PCDH15: variants seen among roughly 807,000 people sequenced by gnomAD.
PCDH15 encodes the protein protocadherin related 15, also known as protocadherin-15.
In PCDH15, 129 loss-of-function variants were observed where a neutral mutation model predicts 178.5. That is an observed-to-expected ratio of 0.72 (90% CI 0.63 to 0.84). PCDH15 has a LOEUF of 0.84. PCDH15 is among the 40% of genes least tolerant of loss of function. The probability of loss-of-function intolerance (pLI) is 0.00; values close to 1 mark genes in which losing one functional copy is unlikely to be tolerated. For synonymous variants in PCDH15, 800 were observed against 732.0 expected, an observed-to-expected ratio of 1.09 and a Z score of -1.50; for missense variants, 2,230 against 2,099.9, an observed-to-expected ratio of 1.06 and a Z score of -1.21.
chr10:54,266,244 A>C (rs1471640981), intron 8 of PCDH15, among the ~76,000 whole-genome samples: 3 of 151,862 alleles, frequency 2.0e-5, no homozygotes, highest in Non-Finnish European at 4.4e-5. Context: ...GCAGAAATCA[A>C]AGAACTTTTT....
chr10:55,520,564 C>A, intron 2 of PCDH15, among the ~76,000 whole-genome samples: 1 of 147,926 alleles, frequency 6.8e-6, no homozygotes, highest in East Asian at 2.0e-4. Flanking sequence ...TGTTTTTATT[C>A]TAGGAAGAAC....
chr10:55,078,445 T>C (rs1228505758), intron 2 of PCDH15, among the ~76,000 whole-genome samples: 1 of 152,144 alleles, frequency 6.6e-6, no homozygotes, highest in Non-Finnish European at 1.5e-5. Flanking sequence ...GAAATACTGA[T>C]AATTTGTATA....
At chr10:54,250,836 ATCTC>A (rs1289435017) in intron 8 of PCDH15, among the ~76,000 whole-genome samples, 4 of 152,040 alleles carry the variant, frequency 2.6e-5, no homozygotes, top group Admixed American at 2.0e-4. Context: ...CCACTTCCCA[ATCTC>A]TCTCTCACAC....
At chr10:54,266,127 ACTC>A (rs1319867426) in intron 8 of PCDH15, among the ~76,000 whole-genome samples, 1 of 142,726 alleles carries the variant, frequency 7.0e-6, no homozygotes, top group African/African-American at 2.7e-5. Context: ...AGCAAGAGGA[ACTC>A]TAAAACGCAG....
chr10:54,876,243 GA>G (rs1217873823), intron 3 of PCDH15, among the ~76,000 whole-genome samples: 2 of 152,158 alleles, frequency 1.3e-5, no homozygotes, highest in African/African-American at 2.4e-5. Flanking sequence ...CTACTTCACA[GA>G]AAAAAAAATT....
chr10:54,139,112 G>A (rs1479469284), intron 14 of PCDH15, among the ~76,000 whole-genome samples: 1 of 152,042 alleles, frequency 6.6e-6, no homozygotes, highest in Non-Finnish European at 1.5e-5. Context: ...TATGATTGAG[G>A]TGTCATGGTT....
At chr10:54,508,048 G>A (rs570744679) in intron 3 of PCDH15, among the ~76,000 whole-genome samples, 6 of 151,874 alleles carry the variant, frequency 4.0e-5, no homozygotes, top group Admixed American at 1.3e-4. Flanking sequence ...TCCCCAAGAC[G>A]AACATTTCAC....
chr10:55,435,674 A>T (rs1210112282), intron 2 of PCDH15, among the ~76,000 whole-genome samples: 4 of 152,128 alleles, frequency 2.6e-5, no homozygotes, highest in Non-Finnish European at 4.4e-5. Flanking sequence ...GTGGAAAACC[A>T]GGGTAACTTA....
At chr10:54,449,873 A>C (rs922923317) in intron 3 of PCDH15, among the ~76,000 whole-genome samples, 1 of 151,664 alleles carries the variant, frequency 6.6e-6, no homozygotes, top group Non-Finnish European at 1.5e-5. Flanking sequence ...TCCATCCCCC[A>C]TGGATACTGA....
chr10:55,067,911 G>T (rs1258839449), intron 2 of PCDH15, among the ~76,000 whole-genome samples: 1 of 151,780 alleles, frequency 6.6e-6, no homozygotes, highest in East Asian at 1.9e-4. Context: ...GTTTATTCGT[G>T]TCCTTTGCCA....
intron 11 of PCDH15, 53 bp downstream of exon 11, chr10:54,195,630 T>A: frequency 6.9e-7 from 1 of 1,443,846 alleles, no homozygotes. Context: ...TTCCCATTAA[T>A]GGAAATATGA....
At chr10:54,694,885 A>C (rs1404477567) in intron 1 of PCDH15, among the ~76,000 whole-genome samples, 1 of 152,128 alleles carries the variant, frequency 6.6e-6, no homozygotes, top group Non-Finnish European at 1.5e-5. Flanking sequence ...AAAAATAAAT[A>C]AGCTTAGTGA....
chr10:54,863,181 T>C (rs533990934), intron 3 of PCDH15, among the ~76,000 whole-genome samples: 1 of 152,274 alleles, frequency 6.6e-6, no homozygotes, highest in Non-Finnish European at 1.5e-5. Flanking sequence ...TGGTAGCATT[T>C]TCCTATAAAT....
At chr10:55,071,077 C>T (rs1217816031) in intron 2 of PCDH15, among the ~76,000 whole-genome samples, 2 of 152,024 alleles carry the variant, frequency 1.3e-5, no homozygotes, top group Non-Finnish European at 2.9e-5. Flanking sequence ...CAGGCCTGCC[C>T]TAAAAGAGCT....
chr10:55,007,536 A>G (rs1333559801), intron 2 of PCDH15, among the ~76,000 whole-genome samples: 2 of 152,226 alleles, frequency 1.3e-5, no homozygotes, highest in African/African-American at 2.4e-5. Context: ...CAAAGTTTTT[A>G]TCTAGAGGGT....
chr10:55,526,677 A>T (rs1841308122), intron 2 of PCDH15, among the ~76,000 whole-genome samples: 1 of 152,064 alleles, frequency 6.6e-6, no homozygotes, highest in Non-Finnish European at 1.5e-5. Flanking sequence ...TATCACACTC[A>T]AACAACACAA....
At chr10:54,950,596 C>G (rs1321761651) in intron 2 of PCDH15, among the ~76,000 whole-genome samples, 3 of 151,912 alleles carry the variant, frequency 2.0e-5, no homozygotes, top group Non-Finnish European at 2.9e-5. Flanking sequence ...TTGTAAATTG[C>G]CCAGTCTTGG....
rs569121228 is a variant in PCDH15 at position 55,305,379 on chromosome 10, C to T, written c.-156+14220G>A. On this transcript the variant is annotated intron_variant, in intron 1 of 5. Coordinates refer to the PCDH15 transcript ENST00000458638. Reference sequence around the variant, plus strand: ...ATGAAATGTTTCAATATCACAACAACCAATATATCCTGGGCAGACAGGGAC... The same window carrying T: ...ATGAAATGTTTCAATATCACAACAATCAATATATCCTGGGCAGACAGGGAC... 1.1e-4 allele frequency among the ~76,000 whole-genome samples: 16 copies of T among 152,302 alleles called. No homozygotes were observed. The South Asian group carries it at 2.7e-3, about 26-fold the overall frequency.
intron 2 of PCDH15, among the ~76,000 whole-genome samples, chr10:55,046,922 T>G (rs907870573): frequency 1.2e-4 from 18 of 151,844 alleles, no homozygotes; most frequent in African/African-American, 4.1e-4. Flanking sequence ...AAGTAATGAG[T>G]TTGAAAGCAA....
Sources: gnomAD v4.1 joint callset for allele counts (sites outside exome capture counted in the v4.1 genomes callset) on GRCh38, gnomAD v4.1.1 for gene constraint, MANE v1.5 for transcripts, NCBI Gene and HGNC (gene_info 2026-07-23, HGNC 2026-07-21) for gene names.